Variants in CDH10 observed in about 807,000 individuals in gnomAD.
CDH10 encodes cadherin-10.
A neutral mutation model predicts 73.1 loss-of-function variants in CDH10; 30 were observed. The ratio of observed to expected loss-of-function variants is 0.41; its 90% CI spans 0.31 to 0.56. CDH10 has a LOEUF of 0.56. CDH10 is among the 20% of genes least tolerant of loss of function. The pLI, the probability that CDH10 is intolerant of heterozygous loss-of-function variation, is 0.27. For missense variants in CDH10, 815 were observed against 973.7 expected, an observed-to-expected ratio of 0.84 and a Z score of 2.17; for synonymous variants, 345 against 348.2, an observed-to-expected ratio of 0.99 and a Z score of 0.10.
intron 1 of CDH10, among the ~76,000 whole-genome samples, chr5:24,600,913 C>T (rs1704282790): frequency 6.6e-6 from 1 of 151,906 alleles, no homozygotes; most frequent in South Asian, 2.1e-4. Context: ...CCTTTAGCCA[C>T]AATTTTTTCT....
At chr5:24,630,410 T>C (rs1398149344) in intron 1 of CDH10, among the ~76,000 whole-genome samples, 1 of 151,742 alleles carries the variant, frequency 6.6e-6, no homozygotes, top group Non-Finnish European at 1.5e-5. Context: ...AAAATTAGCC[T>C]GGCATGGTAG....
At chr5:24,604,900 A>C (rs1746703986) in intron 1 of CDH10, among the ~76,000 whole-genome samples, 1 of 150,286 alleles carries the variant, frequency 6.7e-6, no homozygotes, top group Non-Finnish European at 1.5e-5. Context: ...AAAAAACAAA[A>C]ACAAACAAAC....
chr5:24,517,957 T>C (rs1391200902), intron 5 of CDH10, among the ~76,000 whole-genome samples: 1 of 152,170 alleles, frequency 6.6e-6, no homozygotes, highest in African/African-American at 2.4e-5. Flanking sequence ...GACAACATTT[T>C]AGATTTCGTA....
chr5:24,624,410 C>T (rs565763647), intron 1 of CDH10, among the ~76,000 whole-genome samples: 47 of 152,054 alleles, frequency 3.1e-4, no homozygotes, highest in Admixed American at 3.0e-3. Flanking sequence ...GGGTAAACAA[C>T]ATGTACTAAG....
chr5:24,535,239 G>A lies in CDH10; in HGVS notation c.687C>T (p.Asn229=). The change falls in exon 5 of 12, where the codon AAC becomes AAT. Residue 229 remains asparagine, a synonymous_variant. Transcript: ENST00000264463. ...RTALPNMNRE[N]REQYQVVIQA... ...GGATGACCACTTGGTATTGCTCTCT[G>A]TTTTCTCTGTTCATGTTCGGTAAAG... 1 of 1,613,060 alleles carries A rather than the reference G, an allele frequency of 6.2e-7. No homozygotes were observed. The highest frequency in any genetic ancestry group is 1.3e-5 in the African/African-American group (1 of 74,934).
chr5:24,593,360 C>G lies in CDH10; in HGVS notation c.131G>C (p.Ser44Thr), dbSNP rs2112093054. The G allele has an allele frequency of 2.5e-6, 4 of 1,612,880 alleles. No individual in the cohort carries two copies. The highest frequency in any genetic ancestry group is 3.4e-6 in the Non-Finnish European group (4 of 1,179,030). The change falls in exon 2 of 12, where the codon AGT becomes ACT. Residue 44 changes from serine (S) to threonine (T), a missense_variant. Ser to Thr is a moderately conservative substitution (Grantham distance 58, BLOSUM62 1). Transcript: ENST00000264463. ...QRILSSRVPR[S>T]DGKILHRQKR... ...TTGACGATGGAGAATTTTGCCATCA[C>G]TCCTTGGTACACGTGAACTTAAAAT...
At chr5:24,572,579 A>G (rs34934332) in intron 2 of CDH10, among the ~76,000 whole-genome samples, 58,643 of 151,922 alleles carry the variant, frequency 0.39, 13,736 homozygotes, top group East Asian at 0.54. Flanking sequence ...AAAAAAGAGA[A>G]AGGTTATATT....
intron 2 of CDH10, among the ~76,000 whole-genome samples, chr5:24,552,277 A>G (rs7718519): frequency 0.66 from 100,168 of 151,800 alleles, 33,166 homozygotes; most frequent in East Asian, 0.76. Context: ...ATTTCTTAAC[A>G]TATTCTTTTT....
At chr5:24,549,449 T>C (rs1744464256) in intron 2 of CDH10, among the ~76,000 whole-genome samples, 1 of 151,416 alleles carries the variant, frequency 6.6e-6, no homozygotes, top group East Asian at 1.9e-4. Flanking sequence ...GAGAAAACTA[T>C]GAAAGTACCT....
intron 5 of CDH10, among the ~76,000 whole-genome samples, chr5:24,522,536 A>C (rs1486558629): frequency 1.3e-5 from 2 of 152,122 alleles, no homozygotes; most frequent in Non-Finnish European, 2.9e-5. Context: ...CTGGGATGAC[A>C]GGCGTCCCTG....
chr5:24,487,505 G>A lies in CDH10; in HGVS notation c.*158C>T. 1.5e-6 allele frequency: 1 copy of A among 670,072 alleles called. No individual in the cohort carries two copies. Among genetic ancestry groups the A allele is most frequent in the Non-Finnish European group, 2.6e-6 (1 of 386,330 alleles). The allele number at this position is 670,072 out of a possible 1,614,324, so 41.5% of individuals were successfully genotyped here. On this transcript the variant is annotated 3_prime_UTR_variant, in exon 12 of 12. Coordinates refer to ENST00000264463, the MANE Select transcript of CDH10 (RefSeq NM_006727.5). Reference sequence around the variant, plus strand: ...TATATATTCCATGAGACATCCTACAGGAAAGAATTAATGTAATTAATGAAC... The same window carrying A: ...TATATATTCCATGAGACATCCTACAAGAAAGAATTAATGTAATTAATGAAC...
intron 1 of CDH10, among the ~76,000 whole-genome samples, chr5:24,628,167 T>C (rs1747573634): frequency 6.6e-6 from 1 of 152,116 alleles, no homozygotes; most frequent in Non-Finnish European, 1.5e-5. Context: ...TGAGGTATGA[T>C]TTAAACAAAA....
intron 2 of CDH10, among the ~76,000 whole-genome samples, chr5:24,580,913 A>G (rs1023747333): frequency 1.3e-5 from 2 of 152,046 alleles, no homozygotes; most frequent in Non-Finnish European, 1.5e-5. Context: ...CCATTGTCAC[A>G]TCTCTTTTTT....
intron 2 of CDH10, among the ~76,000 whole-genome samples, chr5:24,573,280 G>C (rs1745464777): frequency 6.6e-6 from 1 of 151,928 alleles, no homozygotes; most frequent in Admixed American, 6.6e-5. Context: ...GTAAATGAAA[G>C]AGAATACAAG....
At chr5:24,606,769 ATT>A (rs1746776777) in intron 1 of CDH10, among the ~76,000 whole-genome samples, 2 of 152,218 alleles carry the variant, frequency 1.3e-5, no homozygotes, top group Non-Finnish European at 2.9e-5. Context: ...AATTTTATGA[ATT>A]ACACAGGAAG....
chr5:24,584,333 T>G (rs942023649), intron 2 of CDH10, among the ~76,000 whole-genome samples: 4 of 152,084 alleles, frequency 2.6e-5, no homozygotes, highest in African/African-American at 9.7e-5. Flanking sequence ...AGCATGTCTT[T>G]TTTTTCTGAT....
Position 24,644,832 on chromosome 5 carries a change from A to AG in CDH10, c.-363dup, listed in dbSNP as rs1554028850. On this transcript the variant is annotated 5_prime_UTR_variant, in exon 1 of 12. It removes the in-frame stop codon of an upstream open reading frame in the 5' UTR. Coordinates refer to ENST00000264463, the MANE Select transcript of CDH10 (RefSeq NM_006727.5). ...ATTCAGTGCTTCTGATTAAGGGGAAAGGAAAAAAAAAAAAAAGGAAAGGGG... is the reference window on the plus strand; with the variant it reads ...ATTCAGTGCTTCTGATTAAGGGGAAAGGGAAAAAAAAAAAAAAGGAAAGGGG... The AG allele has an allele frequency of 3.4e-5, 2 of 59,594 alleles. No individual in the cohort carries two copies. Among genetic ancestry groups the AG allele is most frequent in the Admixed American group, 2.7e-4 (1 of 3,770 alleles). The allele number at this position is 59,594 out of a possible 1,614,324, so 3.7% of individuals were successfully genotyped here. A position where few individuals can be genotyped will look rare whatever the true frequency, so the allele number is the denominator to read the frequency against.
intron 1 of CDH10, among the ~76,000 whole-genome samples, chr5:24,603,391 A>G (rs1176424913): frequency 6.6e-6 from 1 of 152,222 alleles, no homozygotes; most frequent in Non-Finnish European, 1.5e-5. Context: ...ATCAACAACA[A>G]AACAAAATTG....
chr5:24,640,822 A>G (rs1748025386), intron 1 of CDH10, among the ~76,000 whole-genome samples: 2 of 151,966 alleles, frequency 1.3e-5, no homozygotes, highest in South Asian at 4.1e-4. Context: ...ATAGGTCATC[A>G]CATACATTGC....
Sources: gnomAD v4.1 joint callset for allele counts (sites outside exome capture counted in the v4.1 genomes callset) on GRCh38, gnomAD v4.1.1 for gene constraint, MANE v1.5 for transcripts, NCBI Gene and HGNC (gene_info 2026-07-23, HGNC 2026-07-21) for gene names.